The following CLIP2 variants were observed in gnomAD, a reference collection of about 807,000 sequenced individuals.
CLIP2 encodes the protein CAP-Gly domain containing linker protein 2, also known as CAP-Gly domain-containing linker protein 2.
A neutral mutation model predicts 111.7 loss-of-function variants in CLIP2; 41 were observed. That is an observed-to-expected ratio of 0.37 (90% confidence interval 0.29 to 0.48). The LOEUF (loss-of-function observed/expected upper bound fraction) is 0.48, where lower values mean the gene tolerates loss of function less well. CLIP2 is among the 20% of genes least tolerant of loss of function. CLIP2 has a pLI of 0.99. For synonymous variants in CLIP2, 660 were observed against 644.2 expected, an observed-to-expected ratio of 1.02 and a Z score of -0.37; for missense variants, 1,160 against 1,422.1, an observed-to-expected ratio of 0.82 and a Z score of 2.96.
chr7:74,346,870 C>CA (rs1270878137), intron 3 of CLIP2, among the ~76,000 whole-genome samples: 1 of 151,654 alleles, frequency 6.6e-6, no homozygotes, highest in South Asian at 2.1e-4. Flanking sequence ...CCTGTCTCTA[C>CA]AAAAAAATAA....
At chr7:74,403,056 C>CAA (rs1257300525) in intron 16 of CLIP2, among the ~76,000 whole-genome samples, 3 of 136,290 alleles carry the variant, frequency 2.2e-5, no homozygotes, top group Admixed American at 7.4e-5. Flanking sequence ...ACTAAAAATA[C>CAA]AAAAAAAAAA....
At chr7:74,301,998 C>G (rs1272760774) in intron 1 of CLIP2, among the ~76,000 whole-genome samples, 5 of 152,064 alleles carry the variant, frequency 3.3e-5, no homozygotes, top group African/African-American at 1.2e-4. Flanking sequence ...CAGGCACGAG[C>G]CACCATGCCT....
chr7:74,397,227 C>G lies in CLIP2; in HGVS notation c.2874C>G (p.Thr958=), dbSNP rs367597906. 1.2e-6 allele frequency: 2 copies of G among 1,611,902 alleles called. No homozygotes were observed. Among genetic ancestry groups the G allele is most frequent in the Non-Finnish European group, 1.7e-6 (2 of 1,179,072 alleles). ...DDIRGLREKL[T]GLDKEKSLSD... ...TCCGGGGCCTGCGTGAAAAGCTGAC[C>G]GGGCTGGTATGTGGGGTAGGGGTGG... The change falls in exon 14 of 17, where the codon ACC becomes ACG. Residue 958 remains threonine (T), a synonymous_variant. Transcript: ENST00000223398.
At chr7:74,307,530 G>A (rs904169777) in intron 1 of CLIP2, among the ~76,000 whole-genome samples, 116 of 152,148 alleles carry the variant, frequency 7.6e-4, no homozygotes, top group African/African-American at 2.7e-3. Context: ...TCGATCTGTC[G>A]CCCAGGCTGG....
intron 1 of CLIP2, among the ~76,000 whole-genome samples, chr7:74,291,828 T>C (rs1016523600): frequency 2.0e-5 from 3 of 152,040 alleles, no homozygotes; most frequent in Non-Finnish European, 4.4e-5. Context: ...CAGTTGTCCC[T>C]GCTCCCCACC....
intron 13 of CLIP2, among the ~76,000 whole-genome samples, chr7:74,390,228 T>A (rs879967029): frequency 0.024 from 2,522 of 104,244 alleles, 46 homozygotes; most frequent in Middle Eastern, 0.054. Context: ...AAAGAAAGGA[T>A]TAATGCCTCC....
intron 3 of CLIP2, 92 bp downstream of exon 3, chr7:74,339,096 C>G: frequency 7.8e-7 from 1 of 1,281,286 alleles, no homozygotes; most frequent in Non-Finnish European, 1.1e-6. Context: ...CTGGGCTGGG[C>G]AGGGTGGGGA....
intron 10 of CLIP2, chr7:74,380,556 G>C (rs1416487019): frequency 2.8e-6 from 1 of 361,238 alleles, no homozygotes; most frequent in African/African-American, 2.0e-5. Context: ...AAGGGTAGGA[G>C]GTATTCATGT....
intron 1 of CLIP2, among the ~76,000 whole-genome samples, chr7:74,297,724 A>G (rs1788213080): frequency 1.3e-5 from 2 of 152,070 alleles, no homozygotes; most frequent in African/African-American, 4.8e-5. Context: ...AGCTCCAAGC[A>G]GGCTGGGTGA....
intron 1 of CLIP2, among the ~76,000 whole-genome samples, chr7:74,298,782 G>T (rs964375465): frequency 1.3e-5 from 2 of 151,818 alleles, no homozygotes; most frequent in Non-Finnish European, 2.9e-5. Flanking sequence ...GATTGTCACC[G>T]CCAGCCTCGG....
intron 1 of CLIP2, among the ~76,000 whole-genome samples, chr7:74,316,929 C>G (rs1788791870): frequency 6.6e-6 from 1 of 151,622 alleles, no homozygotes; most frequent in South Asian, 2.1e-4. Flanking sequence ...TACTCTGTCA[C>G]CCAGGCTGGA....
In CLIP2 at chr7:74,335,659, C is replaced by CTTCCTTCCTTCCTTCT. The variant is rs1368869859; in HGVS notation, c.122-2774_122-2773insTTTCCTTCCTTCCTTC. Among the ~76,000 whole-genome samples the CTTCCTTCCTTCCTTCT allele has an allele frequency of 6.3e-5, 9 of 142,796 alleles. No individual in the cohort carries two copies. In the Admixed American group the frequency reaches 6.4e-4, roughly 10 times the overall value. 93.7% of individuals were successfully genotyped at this position (142,796 alleles called of 152,430 possible). On this transcript the variant is annotated intron_variant, in intron 2 of 16. Transcript: ENST00000223398. Reference sequence around the variant, plus strand: ...CTGGCTTATTTTCCTTCCTTCCTTCCTTCCTTCCTTCCTTCCTTGCTTCCT... The same window carrying CTTCCTTCCTTCCTTCT: ...CTGGCTTATTTTCCTTCCTTCCTTCCTTCCTTCCTTCCTTCTTTCCTTCCTTCCTTCCTTGCTTCCT...
chr7:74,356,334 AGAGGCAGAG>A, intron 4 of CLIP2, 67 bp from the exon 5 acceptor site: 1 of 1,200,306 alleles, frequency 8.3e-7, no homozygotes, highest in Non-Finnish European at 1.2e-6. Flanking sequence ...CAGGCTCTGA[AGAGGCAGAG>A]GAGGCAGGGG....
chr7:74,401,631 T>C, intron 16 of CLIP2, 64 bp downstream of exon 16: 1 of 1,488,356 alleles, frequency 6.7e-7, no homozygotes, highest in Non-Finnish European at 9.3e-7. Flanking sequence ...GAGAAAATCC[T>C]TGAAACGTCA....
chr7:74,318,373 T>A lies in CLIP2; in HGVS notation c.121+706T>A, dbSNP rs549308795. ...AGGGTTTAAACCAAGATGAGTATGATGGAAGGAACTAGCAGCAATTTCTTA... is the reference window on the plus strand; with the variant it reads ...AGGGTTTAAACCAAGATGAGTATGAAGGAAGGAACTAGCAGCAATTTCTTA... On this transcript the variant is annotated intron_variant, in intron 2 of 16. Transcript: ENST00000223398. Among the ~76,000 whole-genome samples, 411 of 152,114 alleles carry A rather than the reference T, an allele frequency of 2.7e-3. 3 individuals are homozygous for A. Among genetic ancestry groups the A allele is most frequent in the Non-Finnish European group, 2.4e-3 (162 of 67,982 alleles).
intron 8 of CLIP2, among the ~76,000 whole-genome samples, chr7:74,364,585 G>C (rs1790422966): frequency 1.3e-5 from 2 of 152,186 alleles, no homozygotes; most frequent in African/African-American, 4.8e-5. Flanking sequence ...TGGGCCCCAG[G>C]ATAGAGTGGC....
At chr7:74,289,815 C>A (rs1384436452) in intron 1 of CLIP2, 81 bp downstream of exon 1, 1 of 146,618 alleles carries the variant, frequency 6.8e-6, no homozygotes, top group Non-Finnish European at 1.5e-5. Flanking sequence ...GCGGCCTGGC[C>A]GAAAGCGGGG....
At chr7:74,319,507 A>AAAAAT (rs782805654) in intron 2 of CLIP2, among the ~76,000 whole-genome samples, 1 of 151,862 alleles carries the variant, frequency 6.6e-6, no homozygotes, top group Non-Finnish European at 1.5e-5. Flanking sequence ...GACTCTGTCA[A>AAAAAT]AAAATAAAAT....
Position 74,389,251 on chromosome 7 carries a change from G to A in CLIP2, c.2712G>A (p.Arg904=). The change falls in exon 13 of 17, where the codon CGG becomes CGA. Residue 904 remains arginine, a synonymous_variant. Coordinates refer to ENST00000223398, the MANE Select transcript of CLIP2 (RefSeq NM_003388.5). ...TCCTCATCAGCCAGGAGCTGCTGCG[G>A]AAGGAGCGGTGAGGCGGCCGTGGGG... The part of the protein sequence containing the change: ...QLVLISQELL[R]KERSLNELRV... The A allele has an allele frequency of 3.8e-6, 6 of 1,599,866 alleles. No individual in the cohort carries two copies. The highest frequency in any genetic ancestry group is 5.1e-6 in the Non-Finnish European group (6 of 1,174,008).
Sources: allele counts gnomAD v4.1 joint callset (sites outside exome capture counted in the v4.1 genomes callset), GRCh38; gene constraint gnomAD v4.1.1; transcripts MANE v1.5; gene names NCBI Gene and HGNC (gene_info 2026-07-23, HGNC 2026-07-21).